ZFPM2: variants seen among roughly 807,000 people sequenced by gnomAD.
ZFPM2 encodes zinc finger protein, FOG family member 2, also known as zinc finger protein ZFPM2.
ZFPM2 carries 20 observed loss-of-function variants against 98.6 expected under a neutral mutation model. The observed-to-expected ratio is 0.20, with a 90% CI of 0.14 to 0.29. The LOEUF (loss-of-function observed/expected upper bound fraction) is 0.29. ZFPM2 is among the 10% of genes least tolerant of loss of function. ZFPM2 has a pLI of 1.00. For synonymous variants in ZFPM2, 518 were observed against 502.7 expected (o/e 1.03, Z -0.41); for missense variants, 1,310 against 1,388.6 (o/e 0.94, Z 0.90).
At chr8:105,498,985 T>A (rs1402486544) in intron 3 of ZFPM2, among the ~76,000 whole-genome samples, 1 of 152,138 alleles carries the variant, frequency 6.6e-6, no homozygotes, top group Non-Finnish European at 1.5e-5. Context: ...GGATTGGAAG[T>A]GTGGAATATA....
chr8:105,620,975 A>T (rs1034008088), intron 4 of ZFPM2, among the ~76,000 whole-genome samples: 11 of 152,158 alleles, frequency 7.2e-5, no homozygotes, highest in African/African-American at 2.7e-4. Flanking sequence ...TGATGCCTCC[A>T]GCTTTGTTCT....
At chr8:105,329,152 G>A (rs1812167575) in intron 1 of ZFPM2, among the ~76,000 whole-genome samples, 2 of 151,840 alleles carry the variant, frequency 1.3e-5, no homozygotes, top group Admixed American at 1.3e-4. Context: ...CTGATTGATT[G>A]ATGTCTGGCT....
chr8:105,394,976 A>G (rs1381090456), intron 1 of ZFPM2, among the ~76,000 whole-genome samples: 1 of 152,136 alleles, frequency 6.6e-6, no homozygotes, highest in South Asian at 2.1e-4. Flanking sequence ...CCTTTTCCCA[A>G]TGTGGCTTCT....
chr8:105,745,847 C>T (rs1812330506), intron 5 of ZFPM2, among the ~76,000 whole-genome samples: 1 of 152,072 alleles, frequency 6.6e-6, no homozygotes, highest in Non-Finnish European at 1.5e-5. Flanking sequence ...GTAACCTCTG[C>T]CTCTGGGGTT....
intron 5 of ZFPM2, among the ~76,000 whole-genome samples, chr8:105,635,278 C>T (rs780938020): frequency 6.6e-6 from 1 of 152,070 alleles, no homozygotes; most frequent in Non-Finnish European, 1.5e-5. Context: ...CAAATAAGCA[C>T]CCCATCAATA....
intron 5 of ZFPM2, among the ~76,000 whole-genome samples, chr8:105,731,920 A>G (rs948429652): frequency 3.3e-5 from 5 of 151,760 alleles, no homozygotes; most frequent in Admixed American, 3.3e-4. Context: ...TTTATTGAAT[A>G]GCAAAGTGTG....
intron 4 of ZFPM2, among the ~76,000 whole-genome samples, chr8:105,621,411 T>C (rs1292720219): frequency 6.6e-6 from 1 of 152,210 alleles, no homozygotes; most frequent in Non-Finnish European, 1.5e-5. Context: ...GCCTATCAGC[T>C]TAAGGAGGTT....
Position 105,753,119 on chromosome 8 carries a change from G to A in ZFPM2, c.533-35599G>A, listed in dbSNP as rs574523696. On this transcript the variant is annotated intron_variant, in intron 5 of 7. Coordinates refer to ENST00000407775, the MANE Select transcript of ZFPM2 (RefSeq NM_012082.4). ...GCTCCTCTCTCAGCACCTCTCATTAGCAAACCAAACAAAGGGGCTGGAGGA... is the reference window on the plus strand; with the variant it reads ...GCTCCTCTCTCAGCACCTCTCATTAACAAACCAAACAAAGGGGCTGGAGGA... Among the ~76,000 whole-genome samples the A allele has an allele frequency of 2.0e-5, 3 of 152,214 alleles. No individual in the cohort carries two copies. In the East Asian group the frequency reaches 5.8e-4, roughly 30 times the overall value.
At chr8:105,795,956 G>GAGGC in intron 6 of ZFPM2, 1 of 209,100 alleles carries the variant, frequency 4.8e-6, no homozygotes, top group Non-Finnish European at 9.8e-6. Context: ...GACTCTGAAT[G>GAGGC]AGGCAAAAGA....
At chr8:105,570,053 T>C (rs1424083901) in intron 4 of ZFPM2, among the ~76,000 whole-genome samples, 1 of 152,156 alleles carries the variant, frequency 6.6e-6, no homozygotes, top group Non-Finnish European at 1.5e-5. Flanking sequence ...TTTTTAATTG[T>C]ACCCTGTTCC....
intron 4 of ZFPM2, among the ~76,000 whole-genome samples, chr8:105,617,867 A>G (rs1816452547): frequency 6.6e-6 from 1 of 152,200 alleles, no homozygotes; most frequent in African/African-American, 2.4e-5. Flanking sequence ...GCCTGCAGTC[A>G]TAAAAATAAA....
chr8:105,364,480 A>G (rs1269482504), intron 1 of ZFPM2, among the ~76,000 whole-genome samples: 1 of 152,092 alleles, frequency 6.6e-6, no homozygotes, highest in African/African-American at 2.4e-5. Flanking sequence ...TCAACTACAA[A>G]TTAGTAAAGA....
intron 1 of ZFPM2, among the ~76,000 whole-genome samples, chr8:105,364,940 G>A (rs1189604406): frequency 7.2e-5 from 11 of 151,954 alleles, no homozygotes; most frequent in Non-Finnish European, 7.4e-5. Context: ...TTAGTCCTTC[G>A]CTTTCTATTC....
rs1209392053 is a variant in ZFPM2, at chr8:105,778,414, C to G, written c.533-10304C>G. ...AAAATGAAAGAAGTTAATGACCAAA[C>G]AAGTAAGTATTCCGCTTTTCTCCAC... On this transcript the variant is annotated intron_variant, in intron 5 of 7. Coordinates refer to ENST00000407775, the MANE Select transcript of ZFPM2 (RefSeq NM_012082.4). Among the ~76,000 whole-genome samples, 5 of 152,078 alleles carry G rather than the reference C, an allele frequency of 3.3e-5. No homozygotes were observed. The East Asian group carries it at 9.7e-4, about 29-fold the overall frequency.
At chr8:105,629,553 C>T (rs1437442714) in intron 4 of ZFPM2, among the ~76,000 whole-genome samples, 1 of 152,176 alleles carries the variant, frequency 6.6e-6, no homozygotes, top group African/African-American at 2.4e-5. Flanking sequence ...TTTATTATCT[C>T]ATATCCTGTA....
chr8:105,345,319 G>A (rs62525433), intron 1 of ZFPM2, among the ~76,000 whole-genome samples: 1 of 151,344 alleles, frequency 6.6e-6, no homozygotes, highest in African/African-American at 2.4e-5. Flanking sequence ...TCTTAGTCTT[G>A]TGCATCTTTT....
intron 4 of ZFPM2, among the ~76,000 whole-genome samples, chr8:105,586,002 G>GGTGTGTGTGT (rs142133685): frequency 2.8e-5 from 4 of 142,732 alleles, no homozygotes; most frequent in Non-Finnish European, 4.5e-5. Context: ...GGGGGGAAGG[G>GGTGTGTGTGT]GTGTGTGTGT....
chr8:105,620,947 G>A (rs1328927810), intron 4 of ZFPM2, among the ~76,000 whole-genome samples: 4 of 152,156 alleles, frequency 2.6e-5, no homozygotes, highest in Admixed American at 1.3e-4. Flanking sequence ...TCGTAGTATA[G>A]TTTGAAGTCA....
At chr8:105,523,291 T>C (rs995855063) in intron 3 of ZFPM2, among the ~76,000 whole-genome samples, 4 of 152,244 alleles carry the variant, frequency 2.6e-5, no homozygotes, top group Non-Finnish European at 4.4e-5. Flanking sequence ...GTGAGACTTA[T>C]ACCAGTACCC....
Sources: gnomAD v4.1 joint callset for allele counts (sites outside exome capture counted in the v4.1 genomes callset) on GRCh38, gnomAD v4.1.1 for gene constraint, MANE v1.5 for transcripts, NCBI Gene and HGNC (gene_info 2026-07-23, HGNC 2026-07-21) for gene names.